Variants in ZKSCAN1 observed in about 807,000 individuals in gnomAD.
ZKSCAN1 encodes zinc finger with KRAB and SCAN domains 1, also known as zinc finger protein with KRAB and SCAN domains 1.
ZKSCAN1 carries 14 observed loss-of-function variants against 51.6 expected under a neutral mutation model. The observed-to-expected ratio is 0.27, with a 90% CI of 0.18 to 0.42. The LOEUF is 0.42. Ranked by LOEUF, ZKSCAN1 falls within the 10% of genes least tolerant of loss-of-function variation. ZKSCAN1 has a pLI of 1.00. For missense variants in ZKSCAN1, 531 were observed against 710.0 expected (o/e 0.75, Z 2.86); for synonymous variants, 263 against 261.5 (o/e 1.01, Z -0.06).
intron 3 of ZKSCAN1, among the ~76,000 whole-genome samples, chr7:100,027,572 C>G (rs1790894549): frequency 6.6e-6 from 1 of 151,344 alleles, no homozygotes; most frequent in Non-Finnish European, 1.5e-5. Context: ...AACGGTGAAA[C>G]CCCGTCTCTC....
In ZKSCAN1 at chr7:100,041,231, C is replaced by A; in HGVS notation, c.*7034C>A. On this transcript the variant is annotated 3_prime_UTR_variant, in exon 6 of 6. Transcript: ENST00000324306. Reference sequence around the variant, plus strand: ...AAGAAACGTGCTTGTCTCTGTATACCCGCAGAATGAAGTTACTGTTGTTAA... The same window carrying A: ...AAGAAACGTGCTTGTCTCTGTATACACGCAGAATGAAGTTACTGTTGTTAA... The A allele has an allele frequency of 3.6e-6, 3 of 827,672 alleles. No individual in the cohort carries two copies. Among genetic ancestry groups the A allele is most frequent in the Non-Finnish European group, 4.4e-6 (3 of 686,308 alleles). The allele number at this position is 827,672 out of a possible 1,614,324, so 51.3% of individuals were successfully genotyped here.
At chr7:100,022,755 A>G (rs1411076568) in intron 1 of ZKSCAN1, among the ~76,000 whole-genome samples, 1 of 152,188 alleles carries the variant, frequency 6.6e-6, no homozygotes, top group East Asian at 1.9e-4. Flanking sequence ...CCGACCTGCT[A>G]GGGCTGTTGT....
chr7:100,021,297 T>C (rs957188707), intron 1 of ZKSCAN1, among the ~76,000 whole-genome samples: 2 of 151,866 alleles, frequency 1.3e-5, no homozygotes, highest in African/African-American at 2.4e-5. Context: ...ATTTTTTGTA[T>C]TTTTAGTAGA....
At chr7:100,043,818 T>C, downstream of ZKSCAN1, among the ~76,000 whole-genome samples, 1 of 144,114 alleles carries the variant, frequency 6.9e-6, no homozygotes, top group Admixed American at 7.0e-5. Flanking sequence ...AATCTCTCTC[T>C]GTTGCCCAAG....
In ZKSCAN1 at chr7:100,033,274, T is replaced by C; in HGVS notation, c.800-31T>C. The C allele has an allele frequency of 6.4e-7, 1 of 1,564,166 alleles. No homozygotes were observed. Among genetic ancestry groups the C allele is most frequent in the East Asian group, 2.3e-5 (1 of 44,400 alleles). ...CACCTGTATATTCAAAAGAAAAAGG[T>C]GCGATTTGAATTTTCTATTTATTAT... On this transcript the variant is annotated intron_variant, in intron 5 of 5. Coordinates refer to ENST00000324306, the MANE Select transcript of ZKSCAN1 (RefSeq NM_003439.4). The surrounding 1 kb of genome is among the most constrained non-coding windows in gnomAD (Gnocchi z 4.1).
rs1791424824 is a variant in ZKSCAN1, at chr7:100,037,769, G to T, written c.*3572G>T. On this transcript the variant is annotated 3_prime_UTR_variant, in exon 6 of 6. Coordinates refer to ENST00000324306, the MANE Select transcript of ZKSCAN1 (RefSeq NM_003439.4). ...GCCGTGGCTCACGCCTGTAATCGCA[G>T]CACTTTGGGAGGCCGAGGCAGGCGG... The T allele has an allele frequency of 1.0e-6, 1 of 973,352 alleles. No individual in the cohort carries two copies. Among genetic ancestry groups the T allele is most frequent in the Middle Eastern group, 5.2e-4 (1 of 1,918 alleles). 60.3% of individuals were successfully genotyped at this position (973,352 alleles called of 1,614,324 possible).
rs1791517053 is a variant in ZKSCAN1 at position 100,039,781 on chromosome 7, G to C, written c.*5584G>C. The C allele has an allele frequency of 2.0e-6, 2 of 985,318 alleles. No individual in the cohort carries two copies. 61.0% of individuals were successfully genotyped at this position (985,318 alleles called of 1,614,324 possible). ...GTCCTACTCTGAGCAACTTCTCAGA[G>C]ATACGAGGGGGCTAGGGTTTTCCCA... On this transcript the variant is annotated 3_prime_UTR_variant, in exon 6 of 6. Coordinates refer to ENST00000324306, the MANE Select transcript of ZKSCAN1 (RefSeq NM_003439.4).
At chr7:100,044,680 CAAAAAAAAA>C (rs59706759), downstream of ZKSCAN1, 56 of 414,926 alleles carry the variant, frequency 1.3e-4, no homozygotes, top group African/African-American at 5.1e-4. Flanking sequence ...GACTCTATCT[CAAAAAAAAA>C]AAAAAAAAAA....
rs1791185537 is a variant in ZKSCAN1, at chr7:100,033,156, A to T, written c.800-149A>T. 7.4e-7 allele frequency: 1 copy of T among 1,356,222 alleles called. No homozygotes were observed. The highest frequency in any genetic ancestry group is 9.7e-7 in the Non-Finnish European group (1 of 1,032,790). 84.0% of individuals were successfully genotyped at this position (1,356,222 alleles called of 1,614,324 possible). A position where few individuals can be genotyped will look rare whatever the true frequency, so the allele number is the denominator to read the frequency against. Reference sequence around the variant, plus strand: ...CACTGCACTCCAGCCTGGGCGACAGAGCGAGACTCTGTCTCAAAGGAAATA... The same window carrying T: ...CACTGCACTCCAGCCTGGGCGACAGTGCGAGACTCTGTCTCAAAGGAAATA... On this transcript the variant is annotated intron_variant, in intron 5 of 5. Coordinates refer to ENST00000324306, the MANE Select transcript of ZKSCAN1 (RefSeq NM_003439.4). This position sits in a 1 kb window ranked among gnomAD's most constrained non-coding sequence, Gnocchi z 4.1.
Position 100,034,620 on chromosome 7 carries a change from T to G in ZKSCAN1, c.*423T>G. 1 of 947,360 alleles carries G rather than the reference T, an allele frequency of 1.1e-6. No homozygotes were observed. The highest frequency in any genetic ancestry group is 1.3e-6 in the Non-Finnish European group (1 of 792,952). The allele number at this position is 947,360 out of a possible 1,614,324, so 58.7% of individuals were successfully genotyped here. On this transcript the variant is annotated 3_prime_UTR_variant, in exon 6 of 6. Coordinates refer to ENST00000324306, the MANE Select transcript of ZKSCAN1 (RefSeq NM_003439.4). ...CAAACAAGCCCTACTTTGGCCAACA[T>G]CCTGCTTATTTCTCAAAAAAGAGGG...
chr7:100,020,340 G>T (rs1294767058), intron 1 of ZKSCAN1, among the ~76,000 whole-genome samples: 1 of 152,046 alleles, frequency 6.6e-6, no homozygotes, highest in African/African-American at 2.4e-5. Context: ...GTTTATGGGG[G>T]GATTGATGGG....
chr7:100,044,754 T>C (rs1205164782), downstream of ZKSCAN1: 5 of 983,498 alleles, frequency 5.1e-6, no homozygotes, highest in Non-Finnish European at 4.8e-6. Flanking sequence ...CCATTCCACT[T>C]TCATTCTCTT....
chr7:100,027,078 C>CT (rs1790869965), intron 3 of ZKSCAN1, among the ~76,000 whole-genome samples: 1 of 152,160 alleles, frequency 6.6e-6, no homozygotes, highest in Non-Finnish European at 1.5e-5. Context: ...GGGCAAATCA[C>CT]TTGAGGTCAG....
At position 100,039,291 on chromosome 7, in the gene ZKSCAN1, A is replaced by C; in HGVS notation, c.*5094A>C. ...TGCACCACTGCACTCCAGCCTGGGT[A>C]ACAGAGACTCTGTCTCAAAAAAAGA... On this transcript the variant is annotated 3_prime_UTR_variant, in exon 6 of 6. Coordinates refer to ENST00000324306, the MANE Select transcript of ZKSCAN1 (RefSeq NM_003439.4). 1.0e-6 allele frequency: 1 copy of C among 978,632 alleles called. No individual in the cohort carries two copies. The highest frequency in any genetic ancestry group is 1.2e-6 in the Non-Finnish European group (1 of 826,090). 60.6% of individuals were successfully genotyped at this position (978,632 alleles called of 1,614,324 possible).
chr7:100,043,745 C>T (rs1332582595), downstream of ZKSCAN1, among the ~76,000 whole-genome samples: 2 of 142,748 alleles, frequency 1.4e-5, no homozygotes, highest in Non-Finnish European at 3.1e-5. Context: ...TCTACTTAGG[C>T]TTTTTTCTTT....
chr7:100,036,914 A>C lies in ZKSCAN1; in HGVS notation c.*2717A>C. 1 of 984,986 alleles carries C rather than the reference A, an allele frequency of 1.0e-6. No individual in the cohort carries two copies. The allele number at this position is 984,986 out of a possible 1,614,324, so 61.0% of individuals were successfully genotyped here. ...TGAGTTTTGTTTTTAAATGAAGGTT[A>C]AATGTGACCTGTGCCCTCACATTTA... On this transcript the variant is annotated 3_prime_UTR_variant, in exon 6 of 6. Coordinates refer to ENST00000324306, the MANE Select transcript of ZKSCAN1 (RefSeq NM_003439.4).
chr7:100,020,107 A>ACT (rs1366604986), intron 1 of ZKSCAN1, among the ~76,000 whole-genome samples: 1 of 152,216 alleles, frequency 6.6e-6, no homozygotes, highest in Admixed American at 6.6e-5. Context: ...AGCACTCAGT[A>ACT]AACATTGGCT....
In ZKSCAN1 at chr7:100,023,452, G is replaced by T; in HGVS notation, c.-55G>T. The T allele has an allele frequency of 1.3e-6, 2 of 1,532,988 alleles. No individual in the cohort carries two copies. Among genetic ancestry groups the T allele is most frequent in the South Asian group, 2.6e-5 (2 of 78,024 alleles). 95.0% of individuals were successfully genotyped at this position (1,532,988 alleles called of 1,614,324 possible). ...AAGAAACACATCATAAAACCTCCCA[G>T]GACATAAAGGTGAGCACAGACCCTG... On this transcript the variant is annotated 5_prime_UTR_variant, in exon 2 of 6. In the 5' UTR this introduces an upstream ATG that the reference lacks. Transcript: ENST00000324306.
chr7:100,033,868 C>T lies in ZKSCAN1; in HGVS notation c.1363C>T (p.His455Tyr). Residue 455 changes from histidine to tyrosine, a missense_variant, in exon 6 of 6, where the codon CAC (histidine) becomes TAC (tyrosine). Physicochemically the swap from His to Tyr is moderately conservative, Grantham distance 83. Transcript: ENST00000324306. The surrounding 1 kb of genome is among the most constrained non-coding windows in gnomAD (Gnocchi z 4.1). ...SSNLILHQRI[H>Y]SGEKPYECNE... ...CAATCTCATCCTCCATCAGCGCATCCACTCTGGAGAGAAACCTTATGAATG... is the reference window on the plus strand; with the variant it reads ...CAATCTCATCCTCCATCAGCGCATCTACTCTGGAGAGAAACCTTATGAATG... 1 of 1,614,212 alleles carries T rather than the reference C, an allele frequency of 6.2e-7. No homozygotes were observed. The highest frequency in any genetic ancestry group is 8.5e-7 in the Non-Finnish European group (1 of 1,180,050).
Sources: allele counts gnomAD v4.1 joint callset (sites outside exome capture counted in the v4.1 genomes callset), GRCh38; gene constraint gnomAD v4.1.1; non-coding constraint Gnocchi (gnomAD v3.1); transcripts MANE v1.5; gene names NCBI Gene and HGNC (gene_info 2026-07-23, HGNC 2026-07-21).